Variants in EFNA5 observed in about 807,000 individuals in gnomAD.
The protein encoded by EFNA5 is ephrin-A5.
In EFNA5, 5 loss-of-function variants were observed where a neutral mutation model predicts 22.9. The ratio of observed to expected loss-of-function variants is 0.22; its 90% CI spans 0.11 to 0.46. The LOEUF is 0.46. Among genes scored for constraint, EFNA5 ranks in the 20% least tolerant of loss-of-function variants. The pLI, the probability that EFNA5 is intolerant of heterozygous loss-of-function variation, is 0.99. For synonymous variants in EFNA5, 113 were observed against 112.2 expected, an observed-to-expected ratio of 1.01 and a Z score of -0.04; for missense variants, 237 against 293.3, an observed-to-expected ratio of 0.81 and a Z score of 1.40.
rs148900413 is a variant in EFNA5 at position 107,594,881 on chromosome 5, G to A, written c.125+75608C>T. Among the ~76,000 whole-genome samples, 560 of 152,222 alleles carry A rather than the reference G, an allele frequency of 3.7e-3. 2 individuals carry two copies. The highest frequency in any genetic ancestry group is 5.9e-3 in the Non-Finnish European group (402 of 68,014). On this transcript the variant is annotated intron_variant, in intron 1 of 4. Transcript: ENST00000333274. ...ATTTAGGCCTTTCCATTGCTCAACC[G>A]TTCATTCTCATGACCTGGATACCAA...
intron 1 of EFNA5, among the ~76,000 whole-genome samples, chr5:107,549,421 A>G (rs773037153): frequency 6.6e-6 from 1 of 152,232 alleles, no homozygotes; most frequent in Non-Finnish European, 1.5e-5. Context: ...TTTTACAGGT[A>G]AGGAAGTGGA....
intron 2 of EFNA5, among the ~76,000 whole-genome samples, chr5:107,420,417 T>C (rs1748622127): frequency 6.6e-6 from 1 of 150,746 alleles, no homozygotes; most frequent in African/African-American, 2.4e-5. Flanking sequence ...GATGAAGGAA[T>C]TGAAGCTCAG....
intron 1 of EFNA5, among the ~76,000 whole-genome samples, chr5:107,540,552 T>C (rs149155): frequency 0.29 from 44,649 of 152,032 alleles, 9,707 homozygotes; most frequent in African/African-American, 0.61. Flanking sequence ...TATGAAAATG[T>C]TCCCCCAATC....
chr5:107,516,556 G>A (rs1252986309), intron 1 of EFNA5, among the ~76,000 whole-genome samples: 1 of 152,092 alleles, frequency 6.6e-6, no homozygotes, highest in East Asian at 1.9e-4. Context: ...TTATAGAATT[G>A]ACAACTCCTG....
intron 1 of EFNA5, among the ~76,000 whole-genome samples, chr5:107,484,421 T>C (rs757711184): frequency 2.0e-5 from 3 of 152,292 alleles, no homozygotes; most frequent in Non-Finnish European, 2.9e-5. Context: ...TTTGAGGATC[T>C]GATTCAGAAC....
At chr5:107,669,407 C>T (rs984919305) in intron 1 of EFNA5, among the ~76,000 whole-genome samples, 3 of 152,042 alleles carry the variant, frequency 2.0e-5, no homozygotes, top group Admixed American at 6.5e-5. Flanking sequence ...TGGAAGCTAG[C>T]CTCTGTCCCA....
chr5:107,608,355 C>T (rs1749763246), intron 1 of EFNA5, among the ~76,000 whole-genome samples: 2 of 152,174 alleles, frequency 1.3e-5, no homozygotes, highest in African/African-American at 4.8e-5. Flanking sequence ...AAAATGAAGA[C>T]AGATTCCCAT....
intron 1 of EFNA5, among the ~76,000 whole-genome samples, chr5:107,495,443 G>A (rs1373783167): frequency 2.0e-5 from 3 of 152,254 alleles, no homozygotes; most frequent in Non-Finnish European, 4.4e-5. Context: ...CTTAAGAGCT[G>A]TAACGCTCAT....
intron 1 of EFNA5, among the ~76,000 whole-genome samples, chr5:107,521,206 G>T (rs77419879): frequency 6.6e-6 from 1 of 151,996 alleles, no homozygotes; most frequent in East Asian, 1.9e-4. Flanking sequence ...TGCTCAGAAC[G>T]CTTACATTAG....
intron 1 of EFNA5, among the ~76,000 whole-genome samples, chr5:107,581,090 G>A (rs1467238016): frequency 6.6e-6 from 1 of 152,180 alleles, no homozygotes; most frequent in Non-Finnish European, 1.5e-5. Flanking sequence ...CATTAAAGTT[G>A]AGCAATTCAG....
rs989601439 is a variant in EFNA5, at chr5:107,500,876, A to AAC, written c.126-73368_126-73367insGT. Among the ~76,000 whole-genome samples the AAC allele has an allele frequency of 1.4e-3, 215 of 151,962 alleles. 1 individual carries two copies. Among genetic ancestry groups the AAC allele is most frequent in the African/African-American group, 5.0e-3 (205 of 41,386 alleles). The stretch of plus-strand genomic sequence containing the variant: ...AGTACCTAAAAAATATTCATTAAAA[A>AAC]AAAACAAAACAAAAAGGTTTCCTGT... On this transcript the variant is annotated intron_variant, in intron 1 of 4. Coordinates refer to ENST00000333274, the MANE Select transcript of EFNA5 (RefSeq NM_001962.3).
chr5:107,441,905 T>C (rs1167282519), intron 1 of EFNA5, among the ~76,000 whole-genome samples: 2 of 152,194 alleles, frequency 1.3e-5, no homozygotes, highest in African/African-American at 2.4e-5. Context: ...AAATTAGACA[T>C]ATCACTCCTG....
At chr5:107,389,343 A>G (rs975716123) in intron 2 of EFNA5, among the ~76,000 whole-genome samples, 2 of 152,240 alleles carry the variant, frequency 1.3e-5, no homozygotes, top group African/African-American at 4.8e-5. Flanking sequence ...GCAAATGTGC[A>G]TGTCACAAAT....
chr5:107,583,081 T>C (rs541428668), intron 1 of EFNA5, among the ~76,000 whole-genome samples: 1 of 152,220 alleles, frequency 6.6e-6, no homozygotes, highest in Admixed American at 6.5e-5. Flanking sequence ...GAACTAATCA[T>C]AAAGAACCAG....
chr5:107,494,909 C>A (rs192055793), intron 1 of EFNA5, among the ~76,000 whole-genome samples: 36 of 152,112 alleles, frequency 2.4e-4, no homozygotes, highest in African/African-American at 7.9e-4. Context: ...TCTGGTGGGG[C>A]CTTGGAGAAC....
At chr5:107,563,940 C>T (rs1373790507) in intron 1 of EFNA5, among the ~76,000 whole-genome samples, 1 of 152,222 alleles carries the variant, frequency 6.6e-6, no homozygotes, top group Non-Finnish European at 1.5e-5. Context: ...CTTCCTGGTA[C>T]AAACAACTTC....
rs569964673 is a variant in EFNA5, at chr5:107,622,965, G to C, written c.125+47524C>G. Among the ~76,000 whole-genome samples the C allele has an allele frequency of 2.1e-5, 3 of 139,888 alleles. No homozygotes were observed. In the East Asian group the frequency reaches 6.6e-4, roughly 31 times the overall value. 91.8% of individuals were successfully genotyped at this position (139,888 alleles called of 152,430 possible). ...GAACCCGGGAAGCGGAGCTTGCAGT[G>C]AGCCGAGATTGCGCCACTGCAGTCC... On this transcript the variant is annotated intron_variant, in intron 1 of 4. Transcript: ENST00000333274.
At chr5:107,553,730 T>C (rs1163417145) in intron 1 of EFNA5, among the ~76,000 whole-genome samples, 1 of 152,230 alleles carries the variant, frequency 6.6e-6, no homozygotes, top group East Asian at 1.9e-4. Context: ...AAATAGATAA[T>C]AGTGATGAGA....
intron 1 of EFNA5, among the ~76,000 whole-genome samples, chr5:107,664,892 A>C (rs769531602): frequency 6.6e-6 from 1 of 152,222 alleles, no homozygotes; most frequent in Non-Finnish European, 1.5e-5. Context: ...TCATTATTTC[A>C]AACAAAATAT....
Sources: gnomAD v4.1 joint callset for allele counts (sites outside exome capture counted in the v4.1 genomes callset) on GRCh38, gnomAD v4.1.1 for gene constraint, MANE v1.5 for transcripts, NCBI Gene and HGNC (gene_info 2026-07-23, HGNC 2026-07-21) for gene names.